The following VTI1A variants were observed in gnomAD, a reference collection of about 807,000 sequenced individuals.
VTI1A encodes the protein vesicle transport through interaction with t-SNAREs homolog 1A.
Under a neutral mutation model 34.9 loss-of-function variants are expected in VTI1A, and 22 were observed. That is an observed-to-expected ratio of 0.63 (90% CI 0.45 to 0.90). VTI1A has a LOEUF of 0.90. Among genes scored for constraint, VTI1A ranks in the 40% least tolerant of loss-of-function variants. The pLI is 0.00. For missense variants in VTI1A, 268 were observed against 275.6 expected, an observed-to-expected ratio of 0.97 and a Z score of 0.20; for synonymous variants, 87 against 97.3, an observed-to-expected ratio of 0.89 and a Z score of 0.62.
At chr10:112,827,602 TA>T in the VTI1A span, 1 of 152,266 alleles carries the variant, frequency 6.6e-6, no homozygotes, top group Admixed American at 6.5e-5. Flanking sequence ...TCAAGTAATT[TA>T]TTTTCATGAG....
intron 3 of VTI1A, among the ~76,000 whole-genome samples, chr10:112,472,660 T>TA (rs771908311): frequency 6.6e-6 from 1 of 152,174 alleles, no homozygotes; most frequent in African/African-American, 2.4e-5. Flanking sequence ...TTTCTGTACT[T>TA]ACAGCTTCCT....
At chr10:112,559,648 A>G (rs1184223189) in intron 5 of VTI1A, among the ~76,000 whole-genome samples, 1 of 152,074 alleles carries the variant, frequency 6.6e-6, no homozygotes, top group East Asian at 1.9e-4. Flanking sequence ...TTATCTCTTT[A>G]TCAGCTATTC....
At chr10:112,639,109 C>T (rs1434175044) in intron 5 of VTI1A, among the ~76,000 whole-genome samples, 105 of 152,094 alleles carry the variant, frequency 6.9e-4, no homozygotes, top group Non-Finnish European at 1.0e-4. Context: ...GAGCAACAGA[C>T]AGAAAGTTCA....
chr10:112,774,049 T>C (rs1308012409), intron 7 of VTI1A, among the ~76,000 whole-genome samples: 1 of 152,206 alleles, frequency 6.6e-6, no homozygotes, highest in African/African-American at 2.4e-5. Context: ...GTGGCTTGGC[T>C]GAGGTGAGGC....
intron 7 of VTI1A, among the ~76,000 whole-genome samples, chr10:112,697,616 G>A (rs541568770): frequency 1.3e-5 from 2 of 151,808 alleles, no homozygotes; most frequent in South Asian, 2.1e-4. Flanking sequence ...GGCTGATATC[G>A]AACTCCTGAC....
intron 5 of VTI1A, among the ~76,000 whole-genome samples, chr10:112,605,525 A>G (rs1051997091): frequency 5.3e-5 from 8 of 152,154 alleles, no homozygotes; most frequent in Non-Finnish European, 1.2e-4. Flanking sequence ...CTCCAGAGAC[A>G]GCTCTGTGCA....
rs112307776 is a variant in VTI1A at position 112,501,144 on chromosome 10, T to G, written c.265-25943T>G. Among the ~76,000 whole-genome samples the G allele has an allele frequency of 6.4e-3, 981 of 152,326 alleles. 16 individuals are homozygous for G. Among genetic ancestry groups the G allele is most frequent in the African/African-American group, 0.023 (936 of 41,578 alleles). ...TTCATTACTAACACAATGTCTGGCATACACAGCTGCTCAATACATTGTTGT... is the reference window on the plus strand; with the variant it reads ...TTCATTACTAACACAATGTCTGGCAGACACAGCTGCTCAATACATTGTTGT... On this transcript the variant is annotated intron_variant, in intron 3 of 7. Coordinates refer to ENST00000393077, the MANE Select transcript of VTI1A (RefSeq NM_145206.4).
At chr10:112,687,633 A>G (rs1848464534) in intron 7 of VTI1A, among the ~76,000 whole-genome samples, 1 of 152,034 alleles carries the variant, frequency 6.6e-6, no homozygotes, top group Non-Finnish European at 1.5e-5. Flanking sequence ...TTGTCAAGAT[A>G]TTATTTTGTA....
At chr10:112,790,799 A>G (rs1183325372) in intron 7 of VTI1A, among the ~76,000 whole-genome samples, 1 of 145,726 alleles carries the variant, frequency 6.9e-6, no homozygotes, top group African/African-American at 2.6e-5. Context: ...CCAGTTTTAT[A>G]CTTGTTTTGT....
At chr10:112,634,169 A>G (rs1341080876) in intron 5 of VTI1A, 1 of 154,496 alleles carries the variant, frequency 6.5e-6, no homozygotes, top group Non-Finnish European at 1.5e-5. Context: ...TTTAGAATTG[A>G]CTTTGTGGAA....
chr10:112,484,345 C>G (rs1848547407), intron 3 of VTI1A, among the ~76,000 whole-genome samples: 1 of 152,172 alleles, frequency 6.6e-6, no homozygotes, highest in African/African-American at 2.4e-5. Context: ...TTTCACATTG[C>G]TTTAAATCTA....
intron 7 of VTI1A, among the ~76,000 whole-genome samples, chr10:112,687,948 C>CTTT (rs11442025): frequency 5.2e-5 from 6 of 115,566 alleles, no homozygotes; most frequent in South Asian, 2.9e-4. Flanking sequence ...GTGACCAAGT[C>CTTT]TTTTTTTTTT....
the VTI1A span, among the ~76,000 whole-genome samples, chr10:112,841,303 C>G: frequency 1.3e-5 from 2 of 152,088 alleles, no homozygotes; most frequent in Non-Finnish European, 2.9e-5. Flanking sequence ...GGTGTGGGTC[C>G]CAAAACCATT....
intron 7 of VTI1A, among the ~76,000 whole-genome samples, chr10:112,787,698 C>CTTTT (rs34862909): frequency 3.2e-3 from 330 of 102,694 alleles, no homozygotes; most frequent in Middle Eastern, 6.0e-3. Context: ...TTTTTCTTTT[C>CTTTT]TTTTTTTTTT....
At chr10:112,613,966 T>G (rs1034981124) in intron 5 of VTI1A, among the ~76,000 whole-genome samples, 2 of 152,212 alleles carry the variant, frequency 1.3e-5, no homozygotes, top group African/African-American at 4.8e-5. Context: ...GTTCCTTTTT[T>G]TTCGTCCATT....
At chr10:112,754,301 C>T (rs2133996941) in intron 7 of VTI1A, among the ~76,000 whole-genome samples, 1 of 152,136 alleles carries the variant, frequency 6.6e-6, no homozygotes, top group South Asian at 2.1e-4. Context: ...CCGCCCCGCT[C>T]ATTAAAATCC....
At chr10:112,793,912 A>G (rs892835402) in intron 7 of VTI1A, among the ~76,000 whole-genome samples, 2 of 152,092 alleles carry the variant, frequency 1.3e-5, no homozygotes, top group Non-Finnish European at 2.9e-5. Flanking sequence ...TTGACCTCTG[A>G]TGGTTTGCAG....
chr10:112,742,186 G>A (rs1417835307), intron 7 of VTI1A, among the ~76,000 whole-genome samples: 2 of 152,322 alleles, frequency 1.3e-5, no homozygotes, highest in South Asian at 4.1e-4. Flanking sequence ...GACCTGGCAG[G>A]TAAAGGCTAA....
At chr10:112,851,319 A>C in the VTI1A span, among the ~76,000 whole-genome samples, 3 of 152,232 alleles carry the variant, frequency 2.0e-5, no homozygotes, top group Non-Finnish European at 2.9e-5. Flanking sequence ...TTGAGTAAAC[A>C]TAGCCTCTCT....
Sources: allele counts gnomAD v4.1 joint callset (sites outside exome capture counted in the v4.1 genomes callset), GRCh38; gene constraint gnomAD v4.1.1; transcripts MANE v1.5; gene names NCBI Gene and HGNC (gene_info 2026-07-23, HGNC 2026-07-21).